HMGA2: variants seen among roughly 807,000 people sequenced by gnomAD.
The protein encoded by HMGA2 is high mobility group protein HMGI-C.
In HMGA2, 8 loss-of-function variants were observed where a neutral mutation model predicts 19.1. That is an observed-to-expected ratio of 0.42 (90% CI 0.25 to 0.76). The LOEUF is 0.76. Among genes scored for constraint, HMGA2 ranks in the 30% least tolerant of loss-of-function variants. The probability of loss-of-function intolerance (pLI) is 0.28; values close to 1 mark genes in which losing one functional copy is unlikely to be tolerated. For synonymous variants in HMGA2, 60 were observed against 48.8 expected, an observed-to-expected ratio of 1.23 and a Z score of -0.96; for missense variants, 109 against 136.3, an observed-to-expected ratio of 0.80 and a Z score of 1.00.
chr12:65,865,200 C>T (rs536857703), intron 3 of HMGA2, among the ~76,000 whole-genome samples: 2 of 152,190 alleles, frequency 1.3e-5, no homozygotes, highest in South Asian at 2.1e-4. Context: ...ATGTGTTAAT[C>T]GACTGTGTTA....
At chr12:65,959,247 G>T (rs1280801433) in intron 4 of HMGA2, among the ~76,000 whole-genome samples, 1 of 152,158 alleles carries the variant, frequency 6.6e-6, no homozygotes, top group Non-Finnish European at 1.5e-5. Context: ...CATGCATCAT[G>T]TTGAACCAAA....
At chr12:65,946,438 A>G (rs1000209816) in intron 3 of HMGA2, among the ~76,000 whole-genome samples, 6 of 152,174 alleles carry the variant, frequency 3.9e-5, no homozygotes, top group Non-Finnish European at 8.8e-5. Context: ...TTTCTTTCTA[A>G]GGTCAACTTG....
Position 65,883,893 on chromosome 12 carries a change from C to G in HMGA2, c.249+45324C>G, listed in dbSNP as rs1044218838. On this transcript the variant is annotated intron_variant, in intron 3 of 4. Coordinates refer to ENST00000403681, the MANE Select transcript of HMGA2 (RefSeq NM_003483.6). ...TCGGTTTGTTAGTTTGAGACGCAGT[C>G]TCACTCTGTCGCCCAGGCTAGAGTA... Among the ~76,000 whole-genome samples the G allele has an allele frequency of 3.3e-5, 5 of 152,334 alleles. No individual in the cohort carries two copies. In the East Asian group the frequency reaches 9.6e-4, roughly 29 times the overall value.
chr12:65,839,524 T>C (rs970106914), intron 3 of HMGA2, among the ~76,000 whole-genome samples: 1 of 152,176 alleles, frequency 6.6e-6, no homozygotes, highest in African/African-American at 2.4e-5. Context: ...GCCATTCCTT[T>C]CTCCTCTAGA....
chr12:65,880,501 G>A (rs2121094071), intron 3 of HMGA2, among the ~76,000 whole-genome samples: 1 of 152,268 alleles, frequency 6.6e-6, no homozygotes, highest in South Asian at 2.1e-4. Flanking sequence ...TGGGAAATTA[G>A]AGACCTCAAA....
chr12:65,947,804 G>A (rs572485379), intron 3 of HMGA2, among the ~76,000 whole-genome samples: 1 of 152,282 alleles, frequency 6.6e-6, no homozygotes, highest in South Asian at 2.1e-4. Flanking sequence ...GATAATGAAG[G>A]AAGAATCTCC....
At chr12:65,922,558 T>C (rs773019169) in intron 3 of HMGA2, among the ~76,000 whole-genome samples, 1 of 152,228 alleles carries the variant, frequency 6.6e-6, no homozygotes, top group Non-Finnish European at 1.5e-5. Flanking sequence ...TACAGGCTCA[T>C]ACACAGAAGG....
intron 2 of HMGA2, among the ~76,000 whole-genome samples, chr12:65,829,354 C>T (rs1258265683): frequency 6.6e-6 from 1 of 151,934 alleles, no homozygotes; most frequent in Non-Finnish European, 1.5e-5. Context: ...TTTAAAATAG[C>T]TCTAAGTAAC....
chr12:65,948,600 G>C (rs558715607), intron 3 of HMGA2: 1 of 152,376 alleles, frequency 6.6e-6, no homozygotes, highest in East Asian at 1.9e-4. Flanking sequence ...GCACAGTCTG[G>C]AGCCATTGGG....
chr12:65,844,781 G>A (rs1278232143), intron 3 of HMGA2, among the ~76,000 whole-genome samples: 1 of 152,204 alleles, frequency 6.6e-6, no homozygotes, highest in African/African-American at 2.4e-5. Context: ...AGCTCCAGTG[G>A]CTTTGCTGCT....
At chr12:65,939,549 T>C (rs1261012939) in intron 3 of HMGA2, among the ~76,000 whole-genome samples, 1 of 152,086 alleles carries the variant, frequency 6.6e-6, no homozygotes, top group Non-Finnish European at 1.5e-5. Context: ...AGAGATGGGG[T>C]TTCACCATGT....
At chr12:65,878,918 G>A (rs1225143881) in intron 3 of HMGA2, among the ~76,000 whole-genome samples, 1 of 152,184 alleles carries the variant, frequency 6.6e-6, no homozygotes, top group African/African-American at 2.4e-5. Context: ...AGTAGTATAG[G>A]TAAGATAGAA....
intron 3 of HMGA2, among the ~76,000 whole-genome samples, chr12:65,947,018 G>A (rs1355029407): frequency 6.6e-6 from 1 of 152,070 alleles, no homozygotes; most frequent in African/African-American, 2.4e-5. Context: ...TCCATTCTAA[G>A]GGCTAGACTG....
At chr12:65,919,021 A>G (rs1355725235) in intron 3 of HMGA2, among the ~76,000 whole-genome samples, 1 of 152,212 alleles carries the variant, frequency 6.6e-6, no homozygotes, top group Admixed American at 6.5e-5. Context: ...AGGATGAAAA[A>G]GAAAAGGGAG....
Position 65,845,607 on chromosome 12 carries a change from T to G in HMGA2, c.249+7038T>G, listed in dbSNP as rs1265305560. On this transcript the variant is annotated intron_variant, in intron 3 of 4. Transcript: ENST00000403681. ...TTAAAAATCAAGGAATTCCTGATTCTAAACTCTTCAATACTTGACACAAAC... is the reference window on the plus strand; with the variant it reads ...TTAAAAATCAAGGAATTCCTGATTCGAAACTCTTCAATACTTGACACAAAC... 2.6e-5 allele frequency among the ~76,000 whole-genome samples: 4 copies of G among 152,286 alleles called. No individual in the cohort carries two copies. In the East Asian group the frequency reaches 7.7e-4, roughly 29 times the overall value.
intron 3 of HMGA2, among the ~76,000 whole-genome samples, chr12:65,918,874 C>G (rs1369972588): frequency 2.0e-5 from 3 of 152,100 alleles, no homozygotes; most frequent in African/African-American, 7.2e-5. Context: ...GCAGTATTTC[C>G]TATTTTTAGG....
intron 3 of HMGA2, among the ~76,000 whole-genome samples, chr12:65,906,731 A>C (rs1385069324): frequency 6.6e-6 from 1 of 152,210 alleles, no homozygotes; most frequent in Non-Finnish European, 1.5e-5. Context: ...GAAGATCATA[A>C]AGAAAAAGGT....
chr12:65,916,252 T>A (rs945492956), intron 3 of HMGA2, among the ~76,000 whole-genome samples: 13 of 152,096 alleles, frequency 8.5e-5, no homozygotes, highest in Non-Finnish European at 1.6e-4. Context: ...CTTACATTCA[T>A]CTCAAGGAGG....
At chr12:65,939,626 G>A (rs1018909074) in intron 3 of HMGA2, among the ~76,000 whole-genome samples, 2 of 152,148 alleles carry the variant, frequency 1.3e-5, no homozygotes, top group African/African-American at 4.8e-5. Context: ...AAAGTGCTGG[G>A]ATTATAGGTG....
Sources: allele counts gnomAD v4.1 joint callset (sites outside exome capture counted in the v4.1 genomes callset), GRCh38; gene constraint gnomAD v4.1.1; transcripts MANE v1.5; gene names NCBI Gene and HGNC (gene_info 2026-07-23, HGNC 2026-07-21).